Variants in SAMSN1 observed in about 807,000 individuals in gnomAD.
SAMSN1 encodes SAM domain, SH3 domain and nuclear localization signals 1, also known as SAM domain-containing protein SAMSN-1.
SAMSN1 carries 31 observed loss-of-function variants against 42.0 expected under a neutral mutation model. That is an observed-to-expected ratio of 0.74 (90% CI 0.55 to 1.00). SAMSN1 has a LOEUF of 1.00. Ranked by LOEUF, SAMSN1 falls within the 50% of genes least tolerant of loss-of-function variation. The pLI, the probability that SAMSN1 is intolerant of heterozygous loss-of-function variation, is 0.00. For synonymous variants in SAMSN1, 178 were observed against 151.9 expected, an observed-to-expected ratio of 1.17 and a Z score of -1.26; for missense variants, 464 against 439.4, an observed-to-expected ratio of 1.06 and a Z score of -0.50.
chr21:14,515,414 A>C (rs1170828627), intron 3 of SAMSN1, among the ~76,000 whole-genome samples: 1 of 152,214 alleles, frequency 6.6e-6, no homozygotes, highest in Non-Finnish European at 1.5e-5. Flanking sequence ...TAGTCTTTTC[A>C]ACAAATAGTG....
At chr21:14,566,049 A>G (rs930076090) in intron 2 of SAMSN1, among the ~76,000 whole-genome samples, 3 of 152,326 alleles carry the variant, frequency 2.0e-5, no homozygotes, top group Admixed American at 6.5e-5. Flanking sequence ...TAGTAAAGAC[A>G]TAATCTTACC....
intron 1 of SAMSN1, among the ~76,000 whole-genome samples, chr21:14,537,493 C>T (rs192778252): frequency 1.3e-5 from 2 of 152,032 alleles, no homozygotes; most frequent in Non-Finnish European, 2.9e-5. Context: ...CTTGGTATCG[C>T]CAGTGTATTG....
At chr21:14,600,901 G>A (rs145383896) in intron 6 of SAMSN1, among the ~76,000 whole-genome samples, 7 of 152,236 alleles carry the variant, frequency 4.6e-5, no homozygotes, top group African/African-American at 1.7e-4. Flanking sequence ...AGGGAGAAGA[G>A]GAAGAAAAGA....
intron 7 of SAMSN1, among the ~76,000 whole-genome samples, chr21:14,498,067 G>A (rs1025345448): frequency 2.6e-5 from 4 of 152,126 alleles, no homozygotes; most frequent in Non-Finnish European, 5.9e-5. Context: ...TTAAAGCCTC[G>A]TGTTGTTCTA....
intron 1 of SAMSN1, among the ~76,000 whole-genome samples, chr21:14,582,791 A>C (rs1406332161): frequency 6.6e-6 from 1 of 152,126 alleles, no homozygotes; most frequent in Non-Finnish European, 1.5e-5. Context: ...ATATTTGAGA[A>C]AAAAATACAA....
At chr21:14,630,449 T>C (rs561484250) in intron 2 of SAMSN1, among the ~76,000 whole-genome samples, 4 of 151,752 alleles carry the variant, frequency 2.6e-5, no homozygotes, top group African/African-American at 9.7e-5. Flanking sequence ...AATTAGTAGT[T>C]CTCCTGTAAG....
chr21:14,635,687 C>T (rs1410347696), intron 2 of SAMSN1, among the ~76,000 whole-genome samples: 2 of 152,078 alleles, frequency 1.3e-5, no homozygotes, highest in African/African-American at 2.4e-5. Context: ...ATCAAGGATA[C>T]TAAATTAAAA....
intron 7 of SAMSN1, among the ~76,000 whole-genome samples, chr21:14,498,050 C>T (rs1164577682): frequency 1.3e-5 from 2 of 152,164 alleles, no homozygotes; most frequent in African/African-American, 2.4e-5. Context: ...CATGAAGGCT[C>T]ATTATCTTAA....
At chr21:14,580,488 G>A (rs142216263) in intron 2 of SAMSN1, among the ~76,000 whole-genome samples, 23 of 152,250 alleles carry the variant, frequency 1.5e-4, no homozygotes, top group African/African-American at 4.3e-4. Context: ...TCAGAAGCAC[G>A]TCCTAATTAT....
intron 1 of SAMSN1, among the ~76,000 whole-genome samples, chr21:14,645,537 G>T (rs912184491): frequency 6.6e-6 from 1 of 152,152 alleles, no homozygotes; most frequent in Non-Finnish European, 1.5e-5. Flanking sequence ...CTCCTCAAGA[G>T]GGACAGCTAC....
intron 1 of SAMSN1, among the ~76,000 whole-genome samples, chr21:14,649,599 A>C (rs964157811): frequency 2.6e-5 from 4 of 151,984 alleles, no homozygotes; most frequent in Admixed American, 6.6e-5. Flanking sequence ...GTTAAACCCC[A>C]TGTCTACTAA....
At chr21:14,488,169 T>G (rs1986521480) in intron 7 of SAMSN1, among the ~76,000 whole-genome samples, 1 of 152,182 alleles carries the variant, frequency 6.6e-6, no homozygotes, top group African/African-American at 2.4e-5. Context: ...TGCTTTTGTA[T>G]GCATTCTGCC....
intron 2 of SAMSN1, among the ~76,000 whole-genome samples, chr21:14,623,939 G>A (rs540073308): frequency 1.3e-5 from 2 of 152,272 alleles, no homozygotes; most frequent in South Asian, 4.1e-4. Context: ...TCAGACCACA[G>A]AGCAATCAAA....
At chr21:14,611,710 G>T (rs1982712511) in intron 4 of SAMSN1, among the ~76,000 whole-genome samples, 2 of 152,170 alleles carry the variant, frequency 1.3e-5, no homozygotes. Context: ...ACCCTGATAG[G>T]ATCCAGCGCC....
chr21:14,560,805 G>A (rs6516880), intron 2 of SAMSN1, among the ~76,000 whole-genome samples: 86,832 of 152,056 alleles, frequency 0.57, 26,034 homozygotes, highest in East Asian at 0.79. Context: ...ATACATGCTC[G>A]CCTTACATTC....
At chr21:14,568,382 C>T (rs554472732) in intron 2 of SAMSN1, among the ~76,000 whole-genome samples, 8 of 152,228 alleles carry the variant, frequency 5.3e-5, no homozygotes, top group Admixed American at 1.3e-4. Flanking sequence ...TGTGGAAAGG[C>T]GACTGGAAAA....
At chr21:14,628,691 G>C (rs931050658) in intron 2 of SAMSN1, among the ~76,000 whole-genome samples, 6 of 152,302 alleles carry the variant, frequency 3.9e-5, no homozygotes, top group Admixed American at 1.3e-4. Flanking sequence ...CTTTGGCAAA[G>C]GGGAATGTTG....
At chr21:14,582,237 A>T in exon 2 of SAMSN1, 1 of 1,550,918 alleles carries the variant, frequency 6.4e-7, no homozygotes, top group Non-Finnish European at 8.7e-7. Flanking sequence ...GCTATTTGGA[A>T]ATCAAGACAT....
rs547437828 is a variant in SAMSN1, at chr21:14,637,492, A to C, written c.156+5510T>G. ...AATGTGTGAGTCACGTTATATTTCTAATGGACAGGACTGCTGTAATTGTCT... is the reference window on the plus strand; with the variant it reads ...AATGTGTGAGTCACGTTATATTTCTCATGGACAGGACTGCTGTAATTGTCT... On this transcript the variant is annotated intron_variant, in intron 2 of 15. Transcript: ENST00000647101. Among the ~76,000 whole-genome samples the C allele has an allele frequency of 3.9e-5, 6 of 152,324 alleles. No homozygotes were observed. In the South Asian group the frequency reaches 1.0e-3, roughly 26 times the overall value.
Sources: allele counts gnomAD v4.1 joint callset (sites outside exome capture counted in the v4.1 genomes callset), GRCh38; gene constraint gnomAD v4.1.1; transcripts MANE v1.5; gene names NCBI Gene and HGNC (gene_info 2026-07-23, HGNC 2026-07-21).